Variants in RNH1 observed in about 807,000 individuals in gnomAD.
RNH1 encodes ribonuclease inhibitor.
In RNH1, 38 loss-of-function variants were observed where a neutral mutation model predicts 46.1. The observed-to-expected ratio is 0.82, with a 90% CI of 0.64 to 1.08. The LOEUF is 1.08. Ranked by LOEUF, RNH1 falls within the 50% of genes least tolerant of loss-of-function variation. RNH1 has a pLI of 0.00. For synonymous variants in RNH1, 319 were observed against 279.1 expected (o/e 1.14, Z -1.43); for missense variants, 577 against 590.7 (o/e 0.98, Z 0.24).
Position 502,089 on chromosome 11 carries a change from G to T in RNH1, c.74C>A (p.Pro25His). 1 of 1,612,154 alleles carries T rather than the reference G, an allele frequency of 6.2e-7. No individual in the cohort carries two copies. Among genetic ancestry groups the T allele is most frequent in the Non-Finnish European group, 8.5e-7 (1 of 1,179,556 alleles). ...GACCACTTGGCACTGCTGGAGCAGA[G>T]GGAGGAGCTCGGCCCATCTAGCGTC... Reference protein sequence around the residue: ...LSDARWAELLPLLQQCQVVRL... With the variant: ...LSDARWAELLHLLQQCQVVRL... The change falls in exon 3 of 11, where the codon CCT (proline) becomes CAT (histidine). Residue 25 changes from proline (P) to histidine (H), a missense_variant. Pro to His is a moderately conservative substitution (Grantham distance 77, BLOSUM62 -2). Coordinates refer to ENST00000354420, the MANE Select transcript of RNH1 (RefSeq NM_203387.3). The surrounding 1 kb of genome is among the most constrained non-coding windows in gnomAD (Gnocchi z 5.8).
At chr11:497,588 C>G (rs368167991) in intron 9 of RNH1, among the ~76,000 whole-genome samples, 2,977 of 145,052 alleles carry the variant, frequency 0.021, 158 homozygotes, top group African/African-American at 0.066. Flanking sequence ...CATTCTTGCC[C>G]ATGTGCTCAC....
intron 3 of RNH1, 198 bp from the exon 4 acceptor site, chr11:500,852 G>GAA: frequency 1.4e-6 from 1 of 721,782 alleles, no homozygotes; most frequent in Non-Finnish European, 2.4e-6. Context: ...CACGTGGCCA[G>GAA]GCGCGGTGGC....
Position 500,041 on chromosome 11 carries a change from G to A in RNH1, c.273-42C>T, listed in dbSNP as rs995464892. 2.7e-6 allele frequency: 4 copies of A among 1,497,550 alleles called. No individual in the cohort carries two copies. The African/African-American group carries it at 5.5e-5, about 21-fold the overall frequency. 92.8% of individuals were successfully genotyped at this position (1,497,550 alleles called of 1,614,324 possible). On this transcript the variant is annotated intron_variant, in intron 4 of 10. Transcript: ENST00000354420. ...TGTCAGCAGGGCTCCCCTGAGCCAA[G>A]CTGCCACGCCCTTCGCCTGCCAGAG...
chr11:494,928 A>G lies in RNH1; in HGVS notation c.1253T>C (p.Leu418Pro). Residue 418 changes from leucine to proline, a missense_variant, in exon 10 of 11, where the codon CTG (leucine) becomes CCG (proline). Physicochemically the swap from Leu to Pro is moderately conservative, Grantham distance 98. Transcript: ENST00000354420. ...NCLGDAGILQ[L>P]VESVRQPGCL... ...GCCCGGCTGCCGGACGCTCTCCACC[A>G]GCTGCAGGATGCCGGCGTCCCCCAG... is the stretch of plus-strand genomic sequence containing the variant. The G allele has an allele frequency of 5.0e-6, 8 of 1,610,864 alleles. No individual in the cohort carries two copies. The highest frequency in any genetic ancestry group is 1.3e-5 in the African/African-American group (1 of 74,974).
chr11:498,387 TC>T, intron 8 of RNH1, 69 bp downstream of exon 8: 3 of 1,568,230 alleles, frequency 1.9e-6, no homozygotes, highest in Non-Finnish European at 2.6e-6. Context: ...CGCTCACTCC[TC>T]CCCTGGTCTC....
rs2133904916 is a variant in RNH1 at position 500,653 on chromosome 11, G to A, written c.103C>T (p.Leu35=). 3 of 1,604,350 alleles carry A rather than the reference G, an allele frequency of 1.9e-6. No individual in the cohort carries two copies. The East Asian group carries it at 6.7e-5, about 36-fold the overall frequency. Residue 35 remains leucine, a splice_region_variant and synonymous_variant, in exon 4 of 11, where the codon CTG becomes TTG. Transcript: ENST00000354420. ...GCTTCCGTGAGGCCACAGTCGTCCA[G>A]CCTGTGAGCAGACCCCAGGGTCATG... The part of the protein sequence containing the change: ...PLLQQCQVVR[L]DDCGLTEARC...
Position 502,132 on chromosome 11 carries a change from G to C in RNH1, c.31C>G (p.Gln11Glu). Residue 11 changes from glutamine (Q) to glutamate (E), a missense_variant, in exon 3 of 11, where the codon CAG (glutamine) becomes GAG (glutamate). Gln to Glu is a conservative substitution (Grantham distance 29). Transcript: ENST00000354420. This position sits in a 1 kb window ranked among gnomAD's most constrained non-coding sequence, Gnocchi z 5.8. Reference sequence around the variant, plus strand: ...CTAGCGTCGCTCAGCTCCTCACACTGGATGTCCAGGCTCTGGATGTCCAGG... The same window carrying C: ...CTAGCGTCGCTCAGCTCCTCACACTCGATGTCCAGGCTCTGGATGTCCAGG... MSLDIQSLDI[Q>E]CEELSDARWA... 1 of 1,252,064 alleles carries C rather than the reference G, an allele frequency of 8.0e-7. No homozygotes were observed. Among genetic ancestry groups the C allele is most frequent in the African/African-American group, 1.4e-5 (1 of 71,508 alleles). The allele number at this position is 1,252,064 out of a possible 1,614,324, so 77.6% of individuals were successfully genotyped here. A position where few individuals can be genotyped will look rare whatever the true frequency, so the allele number is the denominator to read the frequency against.
Position 505,001 on chromosome 11 carries a change from G to A in RNH1, c.-260-5C>T. On this transcript the variant is annotated splice_region_variant and splice_polypyrimidine_tract_variant and intron_variant, in intron 1 of 10. Coordinates refer to ENST00000354420, the MANE Select transcript of RNH1 (RefSeq NM_203387.3). ...TCAGTCAAGAGTTCTTCATGCCTGA[G>A]CTCGGGAAGCATGTTCAAAATCTTT... is the stretch of plus-strand genomic sequence containing the variant. The A allele has an allele frequency of 6.6e-6, 1 of 152,242 alleles. No individual in the cohort carries two copies. 9.4% of individuals were successfully genotyped at this position (152,242 alleles called of 1,614,324 possible). A position where few individuals can be genotyped will look rare whatever the true frequency, so the allele number is the denominator to read the frequency against.
rs1255477156 is a variant in RNH1, at chr11:500,643, C to T, written c.113G>A (p.Cys38Tyr). 5 of 1,605,646 alleles carry T rather than the reference C, an allele frequency of 3.1e-6. No homozygotes were observed. The highest frequency in any genetic ancestry group is 3.4e-6 in the Non-Finnish European group (4 of 1,179,898). Residue 38 changes from cysteine to tyrosine, a missense_variant, in exon 4 of 11, where the codon TGT (cysteine) becomes TAT (tyrosine). Transcript: ENST00000354420. ...QQCQVVRLDD[C>Y]GLTEARCKDI... is the part of the protein sequence containing the mutation. ...CTTGCACCGTGCTTCCGTGAGGCCACAGTCGTCCAGCCTGTGAGCAGACCC... is the reference window on the plus strand; with the variant it reads ...CTTGCACCGTGCTTCCGTGAGGCCATAGTCGTCCAGCCTGTGAGCAGACCC...
At chr11:504,160 G>A (rs937274365) in intron 2 of RNH1, among the ~76,000 whole-genome samples, 2 of 152,140 alleles carry the variant, frequency 1.3e-5, no homozygotes, top group South Asian at 2.1e-4. Flanking sequence ...GGGAGGGGCC[G>A]TCTGGAGGCC....
Position 494,912 on chromosome 11 carries a change from C to T in RNH1, c.1269G>A (p.Arg423=), listed in dbSNP as rs770894206. ...GCTGCTCCAGGAGGCAGCCCGGCTGCCGGACGCTCTCCACCAGCTGCAGGA... is the reference window on the plus strand; with the variant it reads ...GCTGCTCCAGGAGGCAGCCCGGCTGTCGGACGCTCTCCACCAGCTGCAGGA... ...AGILQLVESV[R]QPGCLLEQLV... The change falls in exon 10 of 11, where the codon CGG becomes CGA. Residue 423 remains arginine, a synonymous_variant. Coordinates refer to ENST00000354420, the MANE Select transcript of RNH1 (RefSeq NM_203387.3). The T allele has an allele frequency of 5.6e-6, 9 of 1,611,188 alleles. No homozygotes were observed. The highest frequency in any genetic ancestry group is 1.3e-5 in the African/African-American group (1 of 74,884).
At position 499,120 on chromosome 11, in the gene RNH1, G is replaced by A. The variant is rs17585; in HGVS notation, c.509C>T (p.Pro170Leu). Residue 170 changes from proline (P) to leucine (L), a missense_variant, in exon 6 of 11, where the codon CCG becomes CTG. Physicochemically the swap from Pro to Leu is moderately conservative, Grantham distance 98. Coordinates refer to ENST00000354420, the MANE Select transcript of RNH1 (RefSeq NM_203387.3). ...GCTAACCGTGAGCTCCTTGAAGTCC[G>A]GCTTGGCCCTGAGCACGGAGGCCAG... ...EPLASVLRAK[P>L]DFKELTVSNN... 204,671 of 1,613,278 alleles carry A rather than the reference G, an allele frequency of 0.13. 13,696 individuals carry two copies. Among genetic ancestry groups the A allele is most frequent in the Middle Eastern group, 0.15 (921 of 6,060 alleles).
Position 501,991 on chromosome 11 carries a change from C to T in RNH1, c.101+71G>A. 1.0e-6 allele frequency: 1 copy of T among 1,004,384 alleles called. No individual in the cohort carries two copies. Among genetic ancestry groups the T allele is most frequent in the Non-Finnish European group, 1.5e-6 (1 of 654,598 alleles). 62.2% of individuals were successfully genotyped at this position (1,004,384 alleles called of 1,614,324 possible). A position where few individuals can be genotyped will look rare whatever the true frequency, so the allele number is the denominator to read the frequency against. ...AACAAGGCGTTCCAGAGCAATGCACCCTTCAGAGGGAGCCGCCACCCGCCA... is the reference window on the plus strand; with the variant it reads ...AACAAGGCGTTCCAGAGCAATGCACTCTTCAGAGGGAGCCGCCACCCGCCA... On this transcript the variant is annotated intron_variant, in intron 3 of 10. Coordinates refer to ENST00000354420, the MANE Select transcript of RNH1 (RefSeq NM_203387.3). This position sits in a 1 kb window ranked among gnomAD's most constrained non-coding sequence, Gnocchi z 4.1.
At chr11:496,019 G>A (rs181775263) in intron 9 of RNH1, among the ~76,000 whole-genome samples, 183 of 152,160 alleles carry the variant, frequency 1.2e-3, no homozygotes, top group African/African-American at 3.9e-3. Context: ...AAAATTTGGA[G>A]AACATAATTA....
chr11:500,045 C>T (rs765574988), intron 4 of RNH1, 46 bp from the exon 5 acceptor site: 3 of 1,488,434 alleles, frequency 2.0e-6, no homozygotes, highest in South Asian at 1.3e-5. Flanking sequence ...AGCCAAGCTG[C>T]CACGCCCTTC....
At position 502,214 on chromosome 11, in the gene RNH1, G is replaced by T; in HGVS notation, c.-52C>A. ...GGAGGCAGAGGGAAGAGGACGTCTTGGCCGAATCCCCTCACAGTTTCACAG... is the reference window on the plus strand; with the variant it reads ...GGAGGCAGAGGGAAGAGGACGTCTTTGCCGAATCCCCTCACAGTTTCACAG... On this transcript the variant is annotated 5_prime_UTR_variant, in exon 3 of 11. Coordinates refer to ENST00000354420, the MANE Select transcript of RNH1 (RefSeq NM_203387.3). The surrounding 1 kb of genome is among the most constrained non-coding windows in gnomAD (Gnocchi z 5.8). The T allele has an allele frequency of 7.0e-7, 1 of 1,428,118 alleles. No homozygotes were observed. Among genetic ancestry groups the T allele is most frequent in the Non-Finnish European group, 9.7e-7 (1 of 1,029,816 alleles). 88.5% of individuals were successfully genotyped at this position (1,428,118 alleles called of 1,614,324 possible). A position where few individuals can be genotyped will look rare whatever the true frequency, so the allele number is the denominator to read the frequency against.
At chr11:503,102 G>C (rs899151129) in intron 2 of RNH1, 1 of 151,586 alleles carries the variant, frequency 6.6e-6, no homozygotes, top group Non-Finnish European at 1.5e-5. Flanking sequence ...GCAGGAACCT[G>C]GAGAGGAGGC....
intron 9 of RNH1, among the ~76,000 whole-genome samples, chr11:495,876 C>T (rs1239703664): frequency 6.6e-6 from 1 of 152,174 alleles, no homozygotes; most frequent in Non-Finnish European, 1.5e-5. Context: ...GGATGACCAG[C>T]CACCCACGGA....
chr11:500,434 T>C (rs758661407), intron 4 of RNH1, 50 bp downstream of exon 4: 1 of 1,570,066 alleles, frequency 6.4e-7, no homozygotes, highest in Non-Finnish European at 8.6e-7. Context: ...GCTGCCGGGC[T>C]ACCAAAGCAG....
Sources: gnomAD v4.1 joint callset for allele counts (sites outside exome capture counted in the v4.1 genomes callset) on GRCh38, gnomAD v4.1.1 for gene constraint, Gnocchi (gnomAD v3.1) non-coding constraint, MANE v1.5 for transcripts, NCBI Gene and HGNC (gene_info 2026-07-23, HGNC 2026-07-21) for gene names.